The following PREPL variants were observed in gnomAD, a reference collection of about 807,000 sequenced individuals.
PREPL encodes prolyl endopeptidase like, also known as prolyl endopeptidase-like.
Under a neutral mutation model 70.6 loss-of-function variants are expected in PREPL, and 77 were observed. That is an observed-to-expected ratio of 1.09 (90% confidence interval 0.91 to 1.32). PREPL has a LOEUF of 1.32. PREPL is among the 40% of genes most tolerant of loss of function. PREPL has a pLI of 0.00. For missense variants in PREPL, 1,002 were observed against 778.2 expected (o/e 1.29, Z -3.42); for synonymous variants, 315 against 264.8 (o/e 1.19, Z -1.84).
chr2:44,332,574 C>A lies in PREPL; in HGVS notation c.971G>T (p.Arg324Leu), dbSNP rs374093145. 3.7e-6 allele frequency: 6 copies of A among 1,613,484 alleles called. No individual in the cohort carries two copies. Among genetic ancestry groups the A allele is most frequent in the Non-Finnish European group, 5.1e-6 (6 of 1,179,632 alleles). Reference protein sequence around the residue: ...NCPFQLCSPIRPPKYYTYKFA... With the variant: ...NCPFQLCSPILPPKYYTYKFA... Reference sequence around the variant, plus strand: ...CTTGTATGTGTAATATTTTGGGGGACGTATTGGAGAGCAAAGTTGAAAGGG... The same window carrying A: ...CTTGTATGTGTAATATTTTGGGGGAAGTATTGGAGAGCAAAGTTGAAAGGG... Residue 324 changes from arginine to leucine, a missense_variant, in exon 8 of 14, where the codon CGT becomes CTT. Physicochemically the swap from Arg to Leu is moderately radical, Grantham distance 102. Coordinates refer to ENST00000409411, the MANE Select transcript of PREPL (RefSeq NM_001171613.2).
At chr2:44,327,025 G>T in intron 9 of PREPL, 97 bp from the exon 10 acceptor site, 3 of 1,010,152 alleles carry the variant, frequency 3.0e-6, no homozygotes, top group Non-Finnish European at 4.5e-6. Context: ...TTTTTGTGTG[G>T]CCCTGGAGCT....
chr2:44,336,313 G>C (rs931480163), intron 7 of PREPL, among the ~76,000 whole-genome samples: 1 of 152,064 alleles, frequency 6.6e-6, no homozygotes, highest in Non-Finnish European at 1.5e-5. Context: ...TGATAGACTG[G>C]ATACAGAAAA....
At position 44,321,253 on chromosome 2, in the gene PREPL, A is replaced by C; in HGVS notation, c.*103T>G. 2.0e-6 allele frequency: 2 copies of C among 1,014,850 alleles called. No individual in the cohort carries two copies. The highest frequency in any genetic ancestry group is 3.2e-5 in the South Asian group (2 of 61,726). 62.9% of individuals were successfully genotyped at this position (1,014,850 alleles called of 1,614,324 possible). A position where few individuals can be genotyped will look rare whatever the true frequency, so the allele number is the denominator to read the frequency against. The stretch of plus-strand genomic sequence containing the variant: ...AGAAGCACATTTTAAAAAATTAATA[A>C]CTTAAAAGTCTCAAGTTATTAATTT... On this transcript the variant is annotated 3_prime_UTR_variant, in exon 14 of 14. Transcript: ENST00000409411.
intron 8 of PREPL, among the ~76,000 whole-genome samples, chr2:44,330,954 T>G (rs1481637061): frequency 6.6e-6 from 1 of 152,144 alleles, no homozygotes; most frequent in Non-Finnish European, 1.5e-5. Flanking sequence ...ATATTTGTTC[T>G]TTTTCTGAGA....
chr2:44,328,867 T>C, intron 9 of PREPL, 70 bp downstream of exon 9: 3 of 1,385,664 alleles, frequency 2.2e-6, no homozygotes, highest in South Asian at 1.5e-5. Context: ...TTCCCTGATA[T>C]ATATTGTTAT....
Position 44,351,470 on chromosome 2 carries a change from T to A in PREPL, c.-48-5080A>T, listed in dbSNP as rs115437302. Among the ~76,000 whole-genome samples the A allele has an allele frequency of 3.6e-3, 546 of 151,012 alleles. 2 individuals carry two copies. The highest frequency in any genetic ancestry group is 0.013 in the African/African-American group (529 of 41,030). On this transcript the variant is annotated intron_variant, in intron 1 of 13. Coordinates refer to ENST00000409411, the MANE Select transcript of PREPL (RefSeq NM_001171613.2). Reference sequence around the variant, plus strand: ...TAGATGTCTAATATGCCAAAAAATGTCCGAATCTGAACTTTAAATCTCCCC... The same window carrying A: ...TAGATGTCTAATATGCCAAAAAATGACCGAATCTGAACTTTAAATCTCCCC...
At position 44,344,860 on chromosome 2, in the gene PREPL, C is replaced by T. The variant is rs542839405; in HGVS notation, c.76-274G>A. ...TAACAAAATCTGTCAGTTCTCACAA[C>T]TGTACAAACCACTTCTGCTACATTT... On this transcript the variant is annotated intron_variant, in intron 2 of 13. Coordinates refer to ENST00000409411, the MANE Select transcript of PREPL (RefSeq NM_001171613.2). 2.0e-4 allele frequency among the ~76,000 whole-genome samples: 31 copies of T among 152,310 alleles called. No homozygotes were observed. The South Asian group carries it at 6.2e-3, about 31-fold the overall frequency.
chr2:44,357,136 T>A (rs1466525932), intron 1 of PREPL, among the ~76,000 whole-genome samples: 1 of 152,188 alleles, frequency 6.6e-6, no homozygotes, highest in Non-Finnish European at 1.5e-5. Flanking sequence ...GTCAGGAAAA[T>A]TAGGAGTCCT....
Position 44,319,488 on chromosome 2 carries a change from A to G in PREPL, c.*1868T>C, listed in dbSNP as rs1425740171. 6.6e-6 allele frequency: 1 copy of G among 151,722 alleles called. No individual in the cohort carries two copies. Among genetic ancestry groups the G allele is most frequent in the Non-Finnish European group, 1.5e-5 (1 of 67,870 alleles). The allele number at this position is 151,722 out of a possible 1,614,324, so 9.4% of individuals were successfully genotyped here. On this transcript the variant is annotated 3_prime_UTR_variant, in exon 14 of 14. Coordinates refer to ENST00000409411, the MANE Select transcript of PREPL (RefSeq NM_001171613.2). ...AACCGTTCAACAGAATATTGTCATT[A>G]AAAACATTTATGGAGGCTATATTAT...
chr2:44,361,815 G>C (rs1355010065), upstream of PREPL: 13 of 1,104,808 alleles, frequency 1.2e-5, no homozygotes, highest in Middle Eastern at 3.2e-4. Context: ...TGGTGCAATG[G>C]CGTGACAGCT....
At chr2:44,338,846 C>G (rs1215062964) in intron 6 of PREPL, among the ~76,000 whole-genome samples, 1 of 152,210 alleles carries the variant, frequency 6.6e-6, no homozygotes, top group East Asian at 1.9e-4. Context: ...AACTGCCTAG[C>G]TGAGATCAAT....
chr2:44,344,039 C>A, intron 3 of PREPL, 88 bp from the exon 4 acceptor site: 2 of 1,438,968 alleles, frequency 1.4e-6, no homozygotes, highest in Non-Finnish European at 1.8e-6. Flanking sequence ...AATTAGAATT[C>A]CCATTCTGTA....
Position 44,346,315 on chromosome 2 carries a change from T to C in PREPL, c.28A>G (p.Lys10Glu). 6.2e-7 allele frequency: 1 copy of C among 1,612,488 alleles called. No individual in the cohort carries two copies. Among genetic ancestry groups the C allele is most frequent in the Non-Finnish European group, 8.5e-7 (1 of 1,178,878 alleles). MDAFEKVRT[K>E]LETQPQEEYE... The stretch of plus-strand genomic sequence containing the variant: ...TCTTCTTGTGGCTGTGTTTCTAATT[T>C]TGTTCTCACTTTTTCAAATGCATCC... Residue 10 changes from lysine (K) to glutamate (E), a missense_variant, in exon 2 of 14, where the codon AAA (lysine) becomes GAA (glutamate). Transcript: ENST00000409411.
At chr2:44,346,061 G>A (rs549231952) in intron 2 of PREPL, among the ~76,000 whole-genome samples, 62 of 151,498 alleles carry the variant, frequency 4.1e-4, no homozygotes, top group Admixed American at 3.2e-3. Context: ...TCTTACTTTC[G>A]ATCTTTACAT....
chr2:44,337,448 C>G (rs567931182), intron 7 of PREPL, among the ~76,000 whole-genome samples: 2 of 152,150 alleles, frequency 1.3e-5, no homozygotes, highest in Non-Finnish European at 2.9e-5. Flanking sequence ...TAACAGCTTT[C>G]GATTCTATAA....
chr2:44,342,094 T>G (rs1446920555), intron 5 of PREPL, among the ~76,000 whole-genome samples: 3 of 152,170 alleles, frequency 2.0e-5, no homozygotes, highest in Non-Finnish European at 4.4e-5. Flanking sequence ...TCAATTAAGA[T>G]GCAAAGGTGA....
At chr2:44,323,451 G>C (rs1020317906) in intron 10 of PREPL, 40 bp from the exon 11 acceptor site, 2 of 1,489,200 alleles carry the variant, frequency 1.3e-6, no homozygotes, top group Non-Finnish European at 1.8e-6. Flanking sequence ...CAAGTAAGAG[G>C]TTGGTAAGTG....
chr2:44,320,571 G>C lies in PREPL; in HGVS notation c.*785C>G. On this transcript the variant is annotated 3_prime_UTR_variant, in exon 14 of 14. Transcript: ENST00000409411. ...CCTTCATCGCCAAACAGCTTTCAGA[G>C]ATAGATGCTTTGTTTCCAATCGAGC... 3.1e-6 allele frequency: 5 copies of C among 1,614,056 alleles called. No homozygotes were observed. The highest frequency in any genetic ancestry group is 2.2e-5 in the East Asian group (1 of 44,876).
intron 10 of PREPL, among the ~76,000 whole-genome samples, chr2:44,323,668 T>G (rs1018476089): frequency 1.3e-5 from 2 of 152,222 alleles, no homozygotes; most frequent in South Asian, 4.1e-4. Context: ...ATTTTTAGCT[T>G]AGTACCTTTT....
Sources: allele counts gnomAD v4.1 joint callset (sites outside exome capture counted in the v4.1 genomes callset), GRCh38; gene constraint gnomAD v4.1.1; transcripts MANE v1.5; gene names NCBI Gene and HGNC (gene_info 2026-07-23, HGNC 2026-07-21).